AFF4: variants seen among roughly 807,000 people sequenced by gnomAD.
AFF4 encodes AF4/FMR2 family member 4.
A neutral mutation model predicts 124.8 loss-of-function variants in AFF4; 13 were observed. That is an observed-to-expected ratio of 0.10 (90% CI 0.07 to 0.17). The LOEUF is 0.17. AFF4 is among the 10% of genes least tolerant of loss of function. AFF4 has a pLI of 1.00. For missense variants in AFF4, 1,092 were observed against 1,403.8 expected (o/e 0.78, Z 3.55); for synonymous variants, 477 against 496.1 (o/e 0.96, Z 0.51).
chr5:132,923,167 C>T (rs1180441032), intron 5 of AFF4, among the ~76,000 whole-genome samples: 1 of 151,872 alleles, frequency 6.6e-6, no homozygotes, highest in East Asian at 1.9e-4. Context: ...CAGAGCAAAA[C>T]TTTGTCTCAA....
chr5:132,924,630 G>A lies in AFF4; in HGVS notation c.1050+2491C>T, dbSNP rs970558672. 2.6e-5 allele frequency among the ~76,000 whole-genome samples: 4 copies of A among 152,098 alleles called. No individual in the cohort carries two copies. In the East Asian group the frequency reaches 5.8e-4, roughly 22 times the overall value. ...GCACTTTGGGAGGCAAAGGCAAGTG[G>A]ATAACCTGAGGTCAGGAGTTCGAGA... On this transcript the variant is annotated intron_variant, in intron 5 of 20. Transcript: ENST00000265343.
intron 4 of AFF4, among the ~76,000 whole-genome samples, chr5:132,929,051 C>T (rs180781885): frequency 1.3e-5 from 2 of 152,114 alleles, no homozygotes; most frequent in East Asian, 3.9e-4. Context: ...TTGAATAAAT[C>T]ATTTTTTCAA....
chr5:132,898,983 C>T (rs1760480680), intron 9 of AFF4, 121 bp downstream of exon 9: 10 of 871,794 alleles, frequency 1.1e-5, no homozygotes, highest in Non-Finnish European at 1.6e-5. Flanking sequence ...ACTTAATTTA[C>T]AGAATTGTAC....
At chr5:132,962,974 G>A (rs1421295831) in intron 1 of AFF4, among the ~76,000 whole-genome samples, 2 of 152,132 alleles carry the variant, frequency 1.3e-5, no homozygotes, top group Non-Finnish European at 2.9e-5. Flanking sequence ...ATCAGCCGAT[G>A]GAACGTCTGA....
chr5:132,883,801 T>C (rs1760046711), intron 19 of AFF4, among the ~76,000 whole-genome samples: 1 of 152,204 alleles, frequency 6.6e-6, no homozygotes, highest in Admixed American at 6.5e-5. Flanking sequence ...AGATGGACAA[T>C]AACTGAAGAA....
chr5:132,950,776 G>C (rs527532607), intron 1 of AFF4, among the ~76,000 whole-genome samples: 18 of 152,210 alleles, frequency 1.2e-4, no homozygotes, highest in Admixed American at 1.2e-3. Flanking sequence ...AAAAAAACTC[G>C]AATCTTCCTA....
intron 1 of AFF4, 39 bp from the exon 2 acceptor site, chr5:132,937,232 A>G (rs575971783): frequency 1.3e-6 from 2 of 1,559,742 alleles, no homozygotes; most frequent in African/African-American, 2.7e-5. Flanking sequence ...ACAGAAATAA[A>G]AGGAAAAATT....
chr5:132,929,424 A>G (rs150255807), intron 4 of AFF4, among the ~76,000 whole-genome samples: 2 of 152,350 alleles, frequency 1.3e-5, no homozygotes, highest in East Asian at 3.9e-4. Flanking sequence ...TAATAATTCT[A>G]TGAACTGTTG....
At chr5:132,960,845 A>T (rs921348880) in intron 1 of AFF4, among the ~76,000 whole-genome samples, 20 of 152,168 alleles carry the variant, frequency 1.3e-4, no homozygotes, top group African/African-American at 4.6e-4. Flanking sequence ...GAAAATTATT[A>T]TGCATCCCTC....
At chr5:132,894,328 C>G (rs1445849198) in intron 11 of AFF4, among the ~76,000 whole-genome samples, 1 of 152,192 alleles carries the variant, frequency 6.6e-6, no homozygotes, top group African/African-American at 2.4e-5. Flanking sequence ...ACAACTTTGC[C>G]AACATTTTTT....
At chr5:132,944,424 T>A (rs1247913441) in intron 1 of AFF4, among the ~76,000 whole-genome samples, 1 of 151,544 alleles carries the variant, frequency 6.6e-6, no homozygotes, top group Non-Finnish European at 1.5e-5. Flanking sequence ...GGCAGGAGAA[T>A]CACTCAAGCT....
intron 5 of AFF4, among the ~76,000 whole-genome samples, chr5:132,918,086 TA>T (rs1760956825): frequency 2.7e-5 from 4 of 150,832 alleles, no homozygotes; most frequent in Non-Finnish European, 5.9e-5. Context: ...ATTCCATTTA[TA>T]ATAGCACTAA....
chr5:132,881,830 T>G (rs1157006919), intron 20 of AFF4, among the ~76,000 whole-genome samples: 1 of 150,522 alleles, frequency 6.6e-6, no homozygotes, highest in Admixed American at 6.6e-5. Context: ...CAAAAAAGTT[T>G]TTTTTTTTTT....
At chr5:132,955,720 G>A (rs1486714552) in intron 1 of AFF4, among the ~76,000 whole-genome samples, 13 of 144,530 alleles carry the variant, frequency 9.0e-5, no homozygotes, top group African/African-American at 2.9e-4. Context: ...AGAGGTTGCA[G>A]TGAGCCAAGA....
At chr5:132,944,416 C>T (rs1377834589) in intron 1 of AFF4, among the ~76,000 whole-genome samples, 1 of 152,062 alleles carries the variant, frequency 6.6e-6, no homozygotes, top group Non-Finnish European at 1.5e-5. Context: ...GAAGCCATGG[C>T]AGGAGAATCA....
intron 13 of AFF4, chr5:132,891,846 C>T: frequency 5.0e-6 from 2 of 400,804 alleles, no homozygotes; most frequent in South Asian, 8.9e-5. Context: ...CAGACAGGGT[C>T]TCACCACATT....
intron 4 of AFF4, among the ~76,000 whole-genome samples, chr5:132,930,958 T>A (rs908439593): frequency 3.4e-5 from 4 of 117,984 alleles, no homozygotes; most frequent in African/African-American, 8.4e-5. Flanking sequence ...AAAAAAAAAA[T>A]TAGCCAGGCA....
chr5:132,887,695 G>C, intron 16 of AFF4, 103 bp from the exon 17 acceptor site: 2 of 1,502,254 alleles, frequency 1.3e-6, no homozygotes, highest in South Asian at 2.3e-5. Context: ...CTAAATAAAA[G>C]CAAAAATACT....
At chr5:132,893,189 CAA>C in intron 11 of AFF4, 71 bp from the exon 12 acceptor site, 1 of 1,234,084 alleles carries the variant, frequency 8.1e-7, no homozygotes, top group East Asian at 2.3e-5. Flanking sequence ...TAGCTACCCA[CAA>C]AGAGTTTATC....
Sources: allele counts gnomAD v4.1 joint callset (sites outside exome capture counted in the v4.1 genomes callset), GRCh38; gene constraint gnomAD v4.1.1; transcripts MANE v1.5; gene names NCBI Gene and HGNC (gene_info 2026-07-23, HGNC 2026-07-21).